Variants in CDK14 observed in about 807,000 individuals in gnomAD.
The protein encoded by CDK14 is cyclin dependent kinase 14.
Under a neutral mutation model 60.7 loss-of-function variants are expected in CDK14, and 34 were observed. The observed-to-expected ratio is 0.56, with a 90% confidence interval of 0.43 to 0.75. The LOEUF is 0.75. Among genes scored for constraint, CDK14 ranks in the 30% least tolerant of loss-of-function variants. CDK14 has a pLI of 0.00. For synonymous variants in CDK14, 197 were observed against 203.7 expected (o/e 0.97, Z 0.28); for missense variants, 482 against 564.1 (o/e 0.85, Z 1.47).
chr7:90,642,352 A>G (rs1378048858), intron 2 of CDK14, among the ~76,000 whole-genome samples: 3 of 152,198 alleles, frequency 2.0e-5, no homozygotes, highest in East Asian at 3.8e-4. Context: ...TGGTTGCATA[A>G]TATTTCAGTA....
intron 12 of CDK14, among the ~76,000 whole-genome samples, chr7:91,110,318 A>G (rs151062413): frequency 2.3e-4 from 35 of 152,304 alleles, no homozygotes; most frequent in Admixed American, 2.3e-3. Context: ...GAATGGGACT[A>G]TCTTATATTG....
intron 2 of CDK14, among the ~76,000 whole-genome samples, chr7:90,717,278 G>A (rs1056156412): frequency 2.6e-5 from 4 of 152,076 alleles, no homozygotes; most frequent in African/African-American, 9.7e-5. Context: ...TATCACAGAA[G>A]AGAAAGTGAC....
intron 12 of CDK14, among the ~76,000 whole-genome samples, chr7:91,094,086 G>A (rs192487305): frequency 6.6e-6 from 1 of 151,930 alleles, no homozygotes; most frequent in East Asian, 1.9e-4. Context: ...TAACTACCTG[G>A]GTAATGGGAT....
At chr7:91,133,342 T>A (rs1238214267) in intron 14 of CDK14, among the ~76,000 whole-genome samples, 1 of 152,098 alleles carries the variant, frequency 6.6e-6, no homozygotes, top group East Asian at 1.9e-4. Context: ...CTAACCAAAT[T>A]CCTTAAACCA....
At chr7:90,786,302 A>G (rs568061284) in intron 4 of CDK14, among the ~76,000 whole-genome samples, 10 of 152,300 alleles carry the variant, frequency 6.6e-5, no homozygotes, top group Admixed American at 3.3e-4. Flanking sequence ...TCCACTGGCA[A>G]TCAAGCCCTG....
intron 5 of CDK14, among the ~76,000 whole-genome samples, chr7:90,820,022 C>G (rs73707896): frequency 0.014 from 2,073 of 152,288 alleles, 41 homozygotes; most frequent in African/African-American, 0.046. Flanking sequence ...TTATGCCACA[C>G]ATTCCTGAGG....
chr7:90,687,310 G>A lies in CDK14; in HGVS notation c.124-39257G>A, dbSNP rs6979481. On this transcript the variant is annotated intron_variant, in intron 2 of 14. Coordinates refer to ENST00000380050, the MANE Select transcript of CDK14 (RefSeq NM_001287135.2). ...CATGAGTCTATTATATTTATTAACCGAGCAGAGTTAAGGGTCTATTTAGGG... is the reference window on the plus strand; with the variant it reads ...CATGAGTCTATTATATTTATTAACCAAGCAGAGTTAAGGGTCTATTTAGGG... Among the ~76,000 whole-genome samples the A allele has an allele frequency of 3.9e-5, 6 of 151,944 alleles. No homozygotes were observed. In the East Asian group the frequency reaches 5.8e-4, roughly 15 times the overall value.
chr7:90,783,153 A>G (rs774487490), intron 4 of CDK14, among the ~76,000 whole-genome samples: 3 of 152,186 alleles, frequency 2.0e-5, no homozygotes, highest in Non-Finnish European at 4.4e-5. Flanking sequence ...TATTTGATAA[A>G]GCATTGATAA....
At chr7:90,870,508 A>T (rs1791336790) in intron 6 of CDK14, among the ~76,000 whole-genome samples, 1 of 152,224 alleles carries the variant, frequency 6.6e-6, no homozygotes, top group Non-Finnish European at 1.5e-5. Flanking sequence ...GTTTAAAAAA[A>T]TTCATAAAAT....
At chr7:90,666,077 G>A (rs1800974045) in intron 2 of CDK14, among the ~76,000 whole-genome samples, 1 of 152,144 alleles carries the variant, frequency 6.6e-6, no homozygotes, top group African/African-American at 2.4e-5. Context: ...TCTTCTGCCA[G>A]CCCTTGTCCT....
At chr7:90,740,027 T>C (rs1425148432) in intron 3 of CDK14, among the ~76,000 whole-genome samples, 6 of 152,058 alleles carry the variant, frequency 3.9e-5, no homozygotes, top group African/African-American at 1.4e-4. Flanking sequence ...GTTTGTATCT[T>C]ACAAATTTCT....
At chr7:90,668,424 C>A (rs934549091) in intron 2 of CDK14, among the ~76,000 whole-genome samples, 1 of 152,164 alleles carries the variant, frequency 6.6e-6, no homozygotes, top group Non-Finnish European at 1.5e-5. Context: ...AGTCCCATAT[C>A]AGATAAATGA....
chr7:90,780,908 G>A (rs1252749756), intron 4 of CDK14, among the ~76,000 whole-genome samples: 1 of 151,924 alleles, frequency 6.6e-6, no homozygotes, highest in Middle Eastern at 3.2e-3. Context: ...AATCCTTTGG[G>A]TATATACCCA....
chr7:90,709,690 G>A (rs1801991195), intron 2 of CDK14: 1 of 1,536,818 alleles, frequency 6.5e-7, no homozygotes, highest in Non-Finnish European at 8.8e-7. Flanking sequence ...GATACTGAAT[G>A]TTAGCATGTC....
At chr7:91,121,634 C>T (rs1024882074) in intron 14 of CDK14, among the ~76,000 whole-genome samples, 1 of 152,152 alleles carries the variant, frequency 6.6e-6, no homozygotes. Context: ...GTTTCAGAGT[C>T]TTGTAACCAA....
intron 11 of CDK14, among the ~76,000 whole-genome samples, chr7:91,061,709 A>G (rs1427760523): frequency 2.0e-5 from 3 of 152,210 alleles, no homozygotes; most frequent in Non-Finnish European, 4.4e-5. Context: ...AGGCTGCAGA[A>G]CAGCGGATAT....
intron 4 of CDK14, among the ~76,000 whole-genome samples, chr7:90,785,210 C>T (rs1410225747): frequency 6.6e-6 from 1 of 152,084 alleles, no homozygotes; most frequent in Non-Finnish European, 1.5e-5. Context: ...CTTTAATTTC[C>T]TTCATATCTT....
chr7:90,714,461 C>G lies in CDK14; in HGVS notation c.124-12106C>G, dbSNP rs996244215. Among the ~76,000 whole-genome samples, 5 of 151,992 alleles carry G rather than the reference C, an allele frequency of 3.3e-5. No homozygotes were observed. In the South Asian group the frequency reaches 8.3e-4, roughly 25 times the overall value. On this transcript the variant is annotated intron_variant, in intron 2 of 14. Coordinates refer to ENST00000380050, the MANE Select transcript of CDK14 (RefSeq NM_001287135.2). ...TACAGGAAAGGTTTACAGAACTGGT[C>G]TTCATGAAATCAGTTAGGAGTGTTA...
chr7:91,000,490 G>C (rs533655720), intron 10 of CDK14, among the ~76,000 whole-genome samples: 1 of 152,180 alleles, frequency 6.6e-6, no homozygotes, highest in Non-Finnish European at 1.5e-5. Context: ...TTATAACATT[G>C]GGATAGGATT....
Sources: gnomAD v4.1 joint callset for allele counts (sites outside exome capture counted in the v4.1 genomes callset) on GRCh38, gnomAD v4.1.1 for gene constraint, MANE v1.5 for transcripts, NCBI Gene and HGNC (gene_info 2026-07-23, HGNC 2026-07-21) for gene names.